Variants in GABRG3 observed in about 807,000 individuals in gnomAD.
GABRG3 encodes gamma-aminobutyric acid receptor subunit gamma-3.
A neutral mutation model predicts 48.8 loss-of-function variants in GABRG3; 25 were observed. The ratio of observed to expected loss-of-function variants is 0.51; its 90% CI spans 0.37 to 0.72. GABRG3 has a LOEUF of 0.72. Among genes scored for constraint, GABRG3 ranks in the 30% least tolerant of loss-of-function variants. The pLI, the probability that GABRG3 is intolerant of heterozygous loss-of-function variation, is 0.00. For missense variants in GABRG3, 394 were observed against 577.9 expected, an observed-to-expected ratio of 0.68 and a Z score of 3.26; for synonymous variants, 227 against 217.6, an observed-to-expected ratio of 1.04 and a Z score of -0.38.
chr15:27,405,993 A>G (rs1887622450), intron 5 of GABRG3, among the ~76,000 whole-genome samples: 2 of 152,154 alleles, frequency 1.3e-5, no homozygotes, highest in African/African-American at 2.4e-5. Context: ...AACACTTTGA[A>G]CAACAAATTA....
intron 6 of GABRG3, among the ~76,000 whole-genome samples, chr15:27,505,066 A>T (rs1890730467): frequency 6.6e-6 from 1 of 152,146 alleles, no homozygotes; most frequent in Admixed American, 6.5e-5. Context: ...TTTCTGTTCT[A>T]GGATCCAATT....
chr15:27,306,772 A>G (rs1892514729), intron 3 of GABRG3, among the ~76,000 whole-genome samples: 1 of 113,870 alleles, frequency 8.8e-6, no homozygotes, highest in African/African-American at 3.5e-5. Flanking sequence ...ATAAACATAC[A>G]ATATAAACAT....
chr15:26,996,100 T>C (rs117102735), intron 2 of GABRG3, among the ~76,000 whole-genome samples: 388 of 152,286 alleles, frequency 2.5e-3, no homozygotes, highest in East Asian at 0.016. Context: ...AACAATGTAA[T>C]TATATATGTA....
intron 3 of GABRG3, among the ~76,000 whole-genome samples, chr15:27,150,955 G>T (rs560156177): frequency 6.6e-6 from 1 of 152,282 alleles, no homozygotes; most frequent in South Asian, 2.1e-4. Context: ...AAGAAATCCT[G>T]CACAACATCT....
intron 5 of GABRG3, among the ~76,000 whole-genome samples, chr15:27,360,460 G>C (rs1422350366): frequency 1.3e-5 from 2 of 152,224 alleles, no homozygotes; most frequent in Non-Finnish European, 2.9e-5. Context: ...ACACTTCTCT[G>C]AGTGTGTGCT....
At chr15:27,233,081 G>C (rs893700759) in intron 3 of GABRG3, among the ~76,000 whole-genome samples, 2 of 151,950 alleles carry the variant, frequency 1.3e-5, no homozygotes, top group Admixed American at 6.5e-5. Flanking sequence ...GGGTTCTGGA[G>C]ACCCCGATCA....
chr15:27,273,466 T>G (rs553357222), intron 3 of GABRG3, among the ~76,000 whole-genome samples: 83 of 152,336 alleles, frequency 5.4e-4, no homozygotes, highest in Non-Finnish European at 1.3e-4. Flanking sequence ...GACATTAACA[T>G]GTTCTGCATG....
At position 27,187,337 on chromosome 15, in the gene GABRG3, A is replaced by G. The variant is rs148819406; in HGVS notation, c.271-139472A>G. The stretch of plus-strand genomic sequence containing the variant: ...TTTGGTTACTGTAGCCTTGTAGTAT[A>G]GTTTAAAGTTGGGTAATGTGATTTT... On this transcript the variant is annotated intron_variant, in intron 3 of 9. Transcript: ENST00000615808. Among the ~76,000 whole-genome samples the G allele has an allele frequency of 7.7e-4, 118 of 152,282 alleles. 1 individual carries two copies. Among genetic ancestry groups the G allele is most frequent in the African/African-American group, 2.8e-3 (117 of 41,558 alleles).
rs1376239205 is a variant in GABRG3 at position 27,313,254 on chromosome 15, GTGTGTGTGTATATATATATATA to G, written c.271-13553_271-13532del. On this transcript the variant is annotated intron_variant, in intron 3 of 9. Coordinates refer to ENST00000615808, the MANE Select transcript of GABRG3 (RefSeq NM_033223.5). ...TATATGTATATATGTGTGTGTGTGT[GTGTGTGTGTATATATATATATA>G]TATATATATATATATATATATATAT... is the stretch of plus-strand genomic sequence containing the variant. Among the ~76,000 whole-genome samples, 60 of 62,554 alleles carry G rather than the reference GTGTGTGTGTATATATATATATA, an allele frequency of 9.6e-4. 1 individual carries two copies. The highest frequency in any genetic ancestry group is 3.1e-3 in the African/African-American group (50 of 15,962). The allele number at this position is 62,554 out of a possible 152,430, so 41.0% of individuals were successfully genotyped here. A position where few individuals can be genotyped will look rare whatever the true frequency, so the allele number is the denominator to read the frequency against.
At chr15:27,015,622 T>C (rs7494818) in intron 2 of GABRG3, among the ~76,000 whole-genome samples, 97,030 of 151,206 alleles carry the variant, frequency 0.64, 31,679 homozygotes, top group African/African-American at 0.77. Context: ...CTCCTGACCT[T>C]GTGATCCACC....
Position 27,232,446 on chromosome 15 carries a change from C to T in GABRG3, c.271-94363C>T, listed in dbSNP as rs183116766. ...TCCACCTGGAGCCTCCTTCTTGCCT[C>T]GTTCCAGAACCCATGTCTCCATGAA... On this transcript the variant is annotated intron_variant, in intron 3 of 9. Coordinates refer to ENST00000615808, the MANE Select transcript of GABRG3 (RefSeq NM_033223.5). Among the ~76,000 whole-genome samples, 29 of 152,272 alleles carry T rather than the reference C, an allele frequency of 1.9e-4. No individual in the cohort carries two copies. The South Asian group carries it at 5.0e-3, about 26-fold the overall frequency.
At chr15:27,326,745 A>G in intron 3 of GABRG3, 64 bp from the exon 4 acceptor site, 1 of 1,335,244 alleles carries the variant, frequency 7.5e-7, no homozygotes, top group South Asian at 1.2e-5. Context: ...TTTGACAAAG[A>G]GAACAAATTA....
chr15:27,306,219 T>C (rs2140497144), intron 3 of GABRG3, among the ~76,000 whole-genome samples: 1 of 116,304 alleles, frequency 8.6e-6, no homozygotes, highest in Non-Finnish European at 1.8e-5. Flanking sequence ...ATATGTAATA[T>C]AAACATATGT....
intron 3 of GABRG3, among the ~76,000 whole-genome samples, chr15:27,115,754 A>G (rs1897630226): frequency 6.6e-6 from 1 of 152,172 alleles, no homozygotes; most frequent in South Asian, 2.1e-4. Context: ...TAATGTCCCA[A>G]AATTCTTTCA....
intron 3 of GABRG3, chr15:27,027,094 C>G (rs1895998604): frequency 6.1e-6 from 2 of 326,814 alleles, no homozygotes; most frequent in Non-Finnish European, 1.1e-5. Flanking sequence ...TTCGAGATCA[C>G]TCAGATTATA....
chr15:27,450,734 G>C (rs1595762381), intron 5 of GABRG3, among the ~76,000 whole-genome samples: 1 of 151,824 alleles, frequency 6.6e-6, no homozygotes, highest in African/African-American at 2.4e-5. Flanking sequence ...GTCGGGGGTG[G>C]GGGGGTGGCA....
chr15:27,192,693 T>G (rs1231651837), intron 3 of GABRG3, among the ~76,000 whole-genome samples: 1 of 152,172 alleles, frequency 6.6e-6, no homozygotes, highest in East Asian at 1.9e-4. Context: ...GCTCATAGTT[T>G]GATCATCTGA....
At chr15:27,149,274 A>G (rs1310103766) in intron 3 of GABRG3, among the ~76,000 whole-genome samples, 1 of 152,176 alleles carries the variant, frequency 6.6e-6, no homozygotes, top group Non-Finnish European at 1.5e-5. Context: ...ATTCAGGAAT[A>G]AATTTAACAA....
intron 5 of GABRG3, among the ~76,000 whole-genome samples, chr15:27,371,662 T>G (rs1477675365): frequency 2.0e-5 from 3 of 152,348 alleles, no homozygotes; most frequent in South Asian, 2.1e-4. Flanking sequence ...TTCTGACTTT[T>G]CTTGTTTGCA....
Sources: gnomAD v4.1 joint callset for allele counts (sites outside exome capture counted in the v4.1 genomes callset) on GRCh38, gnomAD v4.1.1 for gene constraint, MANE v1.5 for transcripts, NCBI Gene and HGNC (gene_info 2026-07-23, HGNC 2026-07-21) for gene names.